PRKN: variants seen among roughly 807,000 people sequenced by gnomAD.
PRKN encodes the protein parkin RBR E3 ubiquitin protein ligase, also known as E3 ubiquitin-protein ligase parkin.
Under a neutral mutation model 59.5 loss-of-function variants are expected in PRKN, and 56 were observed. The ratio of observed to expected loss-of-function variants is 0.94; its 90% CI spans 0.76 to 1.18. The LOEUF is 1.18. PRKN is among the 50% of genes most tolerant of loss of function. The pLI is 0.00. For synonymous variants in PRKN, 250 were observed against 222.1 expected, an observed-to-expected ratio of 1.13 and a Z score of -1.12; for missense variants, 657 against 596.4, an observed-to-expected ratio of 1.10 and a Z score of -1.06.
chr6:162,500,013 C>CATG (rs1793285710), intron 1 of PRKN, among the ~76,000 whole-genome samples: 1 of 152,074 alleles, frequency 6.6e-6, no homozygotes. Context: ...AGAACAAGGA[C>CATG]TTGGTCATGA....
intron 4 of PRKN, among the ~76,000 whole-genome samples, chr6:162,175,075 C>A (rs1783470605): frequency 6.6e-6 from 1 of 152,106 alleles, no homozygotes; most frequent in Non-Finnish European, 1.5e-5. Context: ...TACACTTGAG[C>A]CTGAAAGTTG....
chr6:162,612,239 A>C (rs1353347103), intron 1 of PRKN, among the ~76,000 whole-genome samples: 1 of 151,006 alleles, frequency 6.6e-6, no homozygotes, highest in African/African-American at 2.4e-5. Flanking sequence ...TATTTATAAT[A>C]ATAGAACTTA....
chr6:162,403,984 A>G (rs942488671), intron 2 of PRKN, among the ~76,000 whole-genome samples: 3 of 152,158 alleles, frequency 2.0e-5, no homozygotes, highest in Non-Finnish European at 4.4e-5. Flanking sequence ...CATTCACTTC[A>G]TGATTTTGCC....
chr6:162,007,483 T>C (rs1207667214), intron 5 of PRKN, among the ~76,000 whole-genome samples: 3 of 152,184 alleles, frequency 2.0e-5, no homozygotes, highest in African/African-American at 4.8e-5. Flanking sequence ...GTTTTGTGAA[T>C]ATACTTCTGA....
intron 5 of PRKN, among the ~76,000 whole-genome samples, chr6:162,030,668 T>C (rs1783601711): frequency 6.6e-6 from 1 of 152,176 alleles, no homozygotes; most frequent in Admixed American, 6.6e-5. Flanking sequence ...CTGAGAATCA[T>C]TGTTCCTAGG....
intron 4 of PRKN, among the ~76,000 whole-genome samples, chr6:162,175,240 C>A (rs568068491): frequency 6.6e-6 from 1 of 152,206 alleles, no homozygotes; most frequent in Non-Finnish European, 1.5e-5. Flanking sequence ...AAGACTTGGA[C>A]CAAATTAAAA....
chr6:162,702,824 G>A (rs1310852492), intron 1 of PRKN, among the ~76,000 whole-genome samples: 3 of 152,208 alleles, frequency 2.0e-5, no homozygotes, highest in Non-Finnish European at 4.4e-5. Flanking sequence ...TGACAAGTGA[G>A]AGATGTTTAA....
At chr6:161,846,973 C>G (rs538076256) in intron 6 of PRKN, among the ~76,000 whole-genome samples, 40 of 152,198 alleles carry the variant, frequency 2.6e-4, no homozygotes, top group African/African-American at 9.6e-4. Context: ...TTGTTTGATT[C>G]CATTATTAAT....
chr6:162,304,805 C>T (rs1385838857), intron 2 of PRKN, among the ~76,000 whole-genome samples: 1 of 124,850 alleles, frequency 8.0e-6, no homozygotes, highest in Non-Finnish European at 1.6e-5. Context: ...CCCAGCACCT[C>T]CACTCCAGCT....
At chr6:162,577,258 C>T (rs1462937137) in intron 1 of PRKN, among the ~76,000 whole-genome samples, 1 of 151,346 alleles carries the variant, frequency 6.6e-6, no homozygotes, top group East Asian at 2.0e-4. Flanking sequence ...GGAAAAAAAT[C>T]AATCAAATCA....
intron 6 of PRKN, among the ~76,000 whole-genome samples, chr6:161,818,387 T>G (rs1225494176): frequency 1.3e-5 from 2 of 151,588 alleles, no homozygotes; most frequent in Non-Finnish European, 2.9e-5. Flanking sequence ...CAGGCTGGAG[T>G]GCAGTGGTGC....
At chr6:161,962,376 C>A (rs1780412633) in intron 6 of PRKN, among the ~76,000 whole-genome samples, 1 of 151,850 alleles carries the variant, frequency 6.6e-6, no homozygotes, top group Non-Finnish European at 1.5e-5. Context: ...GATAAAATTG[C>A]CATTAGAAAT....
chr6:161,609,231 T>C (rs1312149610), intron 7 of PRKN, among the ~76,000 whole-genome samples: 1 of 152,218 alleles, frequency 6.6e-6, no homozygotes, highest in Non-Finnish European at 1.5e-5. Context: ...TATTTTACTT[T>C]TAATTTTTTA....
At chr6:162,181,151 A>G (rs1783787894) in intron 4 of PRKN, among the ~76,000 whole-genome samples, 1 of 152,230 alleles carries the variant, frequency 6.6e-6, no homozygotes, top group African/African-American at 2.4e-5. Context: ...ACAGAAGGGT[A>G]GGAAATGTTG....
At chr6:162,584,161 T>C (rs537852294) in intron 1 of PRKN, among the ~76,000 whole-genome samples, 4 of 145,366 alleles carry the variant, frequency 2.8e-5, no homozygotes, top group Non-Finnish European at 6.0e-5. Context: ...TGCAGTAAGC[T>C]GAGATTGCGT....
intron 10 of PRKN, among the ~76,000 whole-genome samples, chr6:161,364,257 G>A (rs1394839562): frequency 6.6e-6 from 1 of 150,546 alleles, no homozygotes; most frequent in Non-Finnish European, 1.5e-5. Context: ...TCAGGAGTTT[G>A]AGACCGTCCT....
chr6:162,171,289 C>T (rs190582989), intron 4 of PRKN, among the ~76,000 whole-genome samples: 9 of 152,142 alleles, frequency 5.9e-5, no homozygotes, highest in Admixed American at 5.9e-4. Context: ...TTATCCACCC[C>T]AAGTTGGGAG....
At chr6:161,996,729 T>C (rs1781859192) in intron 5 of PRKN, among the ~76,000 whole-genome samples, 1 of 152,156 alleles carries the variant, frequency 6.6e-6, no homozygotes, top group South Asian at 2.1e-4. Flanking sequence ...CATTAGTTAG[T>C]ATATGTGAAG....
At chr6:161,881,374 G>A (rs1019351475) in intron 6 of PRKN, among the ~76,000 whole-genome samples, 2 of 152,142 alleles carry the variant, frequency 1.3e-5, no homozygotes, top group East Asian at 3.9e-4. Flanking sequence ...AACTACAAGC[G>A]TCGGAAAAAT....
Sources: gnomAD v4.1 joint callset for allele counts (sites outside exome capture counted in the v4.1 genomes callset) on GRCh38, gnomAD v4.1.1 for gene constraint, MANE v1.5 for transcripts, NCBI Gene and HGNC (gene_info 2026-07-23, HGNC 2026-07-21) for gene names.